FAM200B: variants seen among roughly 807,000 people sequenced by gnomAD.
FAM200B encodes the protein zinc finger BED-type containing 11.
A neutral mutation model predicts 33.1 loss-of-function variants in FAM200B; 32 were observed. The observed-to-expected ratio is 0.97, with a 90% CI of 0.73 to 1.30. The LOEUF (loss-of-function observed/expected upper bound fraction) is 1.30. Among genes scored for constraint, FAM200B ranks in the 50% most tolerant of loss-of-function variants. The pLI is 0.00. For synonymous variants in FAM200B, 240 were observed against 264.8 expected, an observed-to-expected ratio of 0.91 and a Z score of 0.91; for missense variants, 741 against 754.0, an observed-to-expected ratio of 0.98 and a Z score of 0.20.
chr4:15,653,185 C>G, the FAM200B span, among the ~76,000 whole-genome samples: 9 of 152,068 alleles, frequency 5.9e-5, no homozygotes, highest in Non-Finnish European at 1.3e-4. Flanking sequence ...ATACAACAAT[C>G]TCATTAACTA....
the FAM200B span, among the ~76,000 whole-genome samples, chr4:15,665,455 A>AC: frequency 6.6e-6 from 1 of 152,140 alleles, no homozygotes; most frequent in East Asian, 1.9e-4. Flanking sequence ...TGCAGGAATT[A>AC]CCCCAACCAA....
the FAM200B span, among the ~76,000 whole-genome samples, chr4:15,666,307 G>A: frequency 1.3e-5 from 2 of 152,190 alleles, no homozygotes; most frequent in Admixed American, 1.3e-4. Flanking sequence ...GCTGAGGTGG[G>A]AAGATTGCTT....
At chr4:15,656,740 C>A in the FAM200B span, among the ~76,000 whole-genome samples, 1 of 150,196 alleles carries the variant, frequency 6.7e-6, no homozygotes, top group East Asian at 1.9e-4. Flanking sequence ...TGAAATGAAG[C>A]TAATAATACC....
At chr4:15,643,662 C>T in the FAM200B span, among the ~76,000 whole-genome samples, 1 of 152,200 alleles carries the variant, frequency 6.6e-6, no homozygotes, top group Non-Finnish European at 1.5e-5. Context: ...TAGCCTCGGC[C>T]TCCCAGAGTG....
At position 15,688,522 on chromosome 4, in the gene FAM200B, G is replaced by A. The variant is rs1467917561; in HGVS notation, c.1545G>A (p.Leu515=). 6.5e-7 allele frequency: 1 copy of A among 1,547,590 alleles called. No individual in the cohort carries two copies. The highest frequency in any genetic ancestry group is 8.7e-7 in the Non-Finnish European group (1 of 1,144,002). The change falls in exon 2 of 2, where the codon CTG becomes CTA. Residue 515 remains leucine (L), a synonymous_variant. Coordinates refer to ENST00000422728, the MANE Select transcript of FAM200B (RefSeq NM_001145191.2). ...KLEILLHLTS[L]SQTFNHFFPE... ...AGATATTGTTGCATCTCACTTCTCT[G>A]TCTCAAACTTTTAACCATTTCTTTC...
chr4:15,667,271 A>G, the FAM200B span, among the ~76,000 whole-genome samples: 16 of 152,312 alleles, frequency 1.1e-4, no homozygotes, highest in African/African-American at 3.8e-4. Flanking sequence ...AAACATGTAC[A>G]AGTACCTAGT....
At chr4:15,663,639 T>C in the FAM200B span, among the ~76,000 whole-genome samples, 1 of 152,226 alleles carries the variant, frequency 6.6e-6, no homozygotes, top group South Asian at 2.1e-4. Context: ...TAGTGGACTG[T>C]GGTGGAGATT....
the FAM200B span, among the ~76,000 whole-genome samples, chr4:15,669,166 T>G: frequency 1.3e-5 from 2 of 152,322 alleles, no homozygotes; most frequent in Admixed American, 6.5e-5. Context: ...TAGGCCATTG[T>G]CACTGCCCAA....
the FAM200B span, among the ~76,000 whole-genome samples, chr4:15,664,241 A>T: frequency 1.3e-5 from 2 of 152,176 alleles, no homozygotes; most frequent in African/African-American, 4.8e-5. Flanking sequence ...TTCTCTGCTT[A>T]CACTAATACA....
the FAM200B span, among the ~76,000 whole-genome samples, chr4:15,666,127 G>A: frequency 5.3e-5 from 8 of 152,174 alleles, no homozygotes; most frequent in East Asian, 1.9e-4. Flanking sequence ...GACTGGGCAC[G>A]GTGGTTCACA....
At chr4:15,667,677 CAATT>C in the FAM200B span, among the ~76,000 whole-genome samples, 3 of 152,082 alleles carry the variant, frequency 2.0e-5, no homozygotes, top group Admixed American at 6.5e-5. Context: ...TTATGAGAAG[CAATT>C]AATGATGAAG....
At position 15,687,972 on chromosome 4, in the gene FAM200B, G is replaced by A. The variant is rs2148865180; in HGVS notation, c.995G>A (p.Gly332Asp). ...AATCATTGTTTTATACATCGTGAAGGTTTAGCATCCAGAGAAATTCCACAG... is the reference window on the plus strand; with the variant it reads ...AATCATTGTTTTATACATCGTGAAGATTTAGCATCCAGAGAAATTCCACAG... ...VWNHCFIHRE[G>D]LASREIPQNL... Residue 332 changes from glycine (G) to aspartate (D), a missense_variant, in exon 2 of 2, where the codon GGT becomes GAT. Gly to Asp is a moderately conservative substitution (Grantham distance 94). Coordinates refer to ENST00000422728, the MANE Select transcript of FAM200B (RefSeq NM_001145191.2). The A allele has an allele frequency of 1.9e-6, 3 of 1,551,252 alleles. No homozygotes were observed. The highest frequency in any genetic ancestry group is 1.4e-5 in the African/African-American group (1 of 73,126).
At chr4:15,665,729 A>C in the FAM200B span, among the ~76,000 whole-genome samples, 2 of 152,174 alleles carry the variant, frequency 1.3e-5, no homozygotes, top group Non-Finnish European at 2.9e-5. Flanking sequence ...AAGAAACACA[A>C]ACTTAGGATG....
intron 1 of FAM200B, among the ~76,000 whole-genome samples, chr4:15,682,383 A>G (rs1013277690): frequency 6.6e-6 from 1 of 152,232 alleles, no homozygotes; most frequent in Admixed American, 6.5e-5. Flanking sequence ...GAAAAAAGGT[A>G]GAAACAAAAC....
chr4:15,651,607 A>G, the FAM200B span, among the ~76,000 whole-genome samples: 1 of 152,184 alleles, frequency 6.6e-6, no homozygotes, highest in Non-Finnish European at 1.5e-5. Context: ...GAAAACTGAC[A>G]ATAAAGCTAT....
chr4:15,664,293 G>A, the FAM200B span, among the ~76,000 whole-genome samples: 2 of 151,876 alleles, frequency 1.3e-5, no homozygotes, highest in Non-Finnish European at 2.9e-5. Flanking sequence ...TGAACTACTG[G>A]TTTCCCTGCT....
rs1718897642 is a variant in FAM200B, at chr4:15,686,895, T to C, written c.-83T>C. 1.4e-6 allele frequency: 1 copy of C among 698,842 alleles called. No homozygotes were observed. Among genetic ancestry groups the C allele is most frequent in the Non-Finnish European group, 2.2e-6 (1 of 448,762 alleles). The allele number at this position is 698,842 out of a possible 1,614,324, so 43.3% of individuals were successfully genotyped here. On this transcript the variant is annotated 5_prime_UTR_variant, in exon 2 of 2. Coordinates refer to ENST00000422728, the MANE Select transcript of FAM200B (RefSeq NM_001145191.2). ...GAGTGTAGTTTTTGAAAAGATGTTA[T>C]TTAGACTGTATATTTTTTTCTTCTT...
At chr4:15,671,444 GGTTTTT>G in the FAM200B span, among the ~76,000 whole-genome samples, 7 of 150,596 alleles carry the variant, frequency 4.6e-5, no homozygotes, top group East Asian at 1.4e-3. Flanking sequence ...CTCTGGTTTG[GGTTTTT>G]GTTTAAGAGA....
the FAM200B span, among the ~76,000 whole-genome samples, chr4:15,675,864 T>C: frequency 1.9e-4 from 29 of 152,260 alleles, no homozygotes; most frequent in South Asian, 3.9e-3. Context: ...ATTACAGGCA[T>C]GAGCCACCGC....
Sources: allele counts gnomAD v4.1 joint callset (sites outside exome capture counted in the v4.1 genomes callset), GRCh38; gene constraint gnomAD v4.1.1; transcripts MANE v1.5; gene names NCBI Gene and HGNC (gene_info 2026-07-23, HGNC 2026-07-21).